PRDM16: variants seen among roughly 807,000 people sequenced by gnomAD.
PRDM16 encodes PR/SET domain 16.
In PRDM16, 23 loss-of-function variants were observed where a neutral mutation model predicts 110.6. That is an observed-to-expected ratio of 0.21 (90% CI 0.15 to 0.29). The LOEUF (loss-of-function observed/expected upper bound fraction) is 0.29. PRDM16 is among the 10% of genes least tolerant of loss of function. The pLI is 1.00. For missense variants in PRDM16, 1,615 were observed against 1,794.3 expected, an observed-to-expected ratio of 0.90 and a Z score of 1.81; for synonymous variants, 799 against 781.8, an observed-to-expected ratio of 1.02 and a Z score of -0.37.
intron 1 of PRDM16, among the ~76,000 whole-genome samples, chr1:3,087,758 A>G: frequency 6.6e-6 from 1 of 152,056 alleles, no homozygotes; most frequent in South Asian, 2.1e-4. Flanking sequence ...TGTGTCTGCC[A>G]GTACCATATT....
rs539901974 is a variant in PRDM16, at chr1:3,115,137, T to C, written c.37+45841T>C. On this transcript the variant is annotated intron_variant, in intron 1 of 16. Transcript: ENST00000270722. ...GCCCCGCTCCTCCCACATCATCACATTCCTCGGTGAGTGGTTGGGGGGGCA... is the reference window on the plus strand; with the variant it reads ...GCCCCGCTCCTCCCACATCATCACACTCCTCGGTGAGTGGTTGGGGGGGCA... Among the ~76,000 whole-genome samples the C allele has an allele frequency of 6.6e-5, 10 of 152,298 alleles. 2 individuals carry two copies. In the South Asian group the frequency reaches 2.1e-3, roughly 32 times the overall value.
intron 11 of PRDM16, 28 bp from the exon 12 acceptor site, chr1:3,418,639 T>G: frequency 4.7e-6 from 6 of 1,284,676 alleles, no homozygotes; most frequent in Non-Finnish European, 6.8e-6. Flanking sequence ...TAATCCTCCC[T>G]CACCCTCCCC....
intron 12 of PRDM16, among the ~76,000 whole-genome samples, chr1:3,424,138 T>C (rs1217200948): frequency 6.6e-6 from 1 of 152,160 alleles, no homozygotes; most frequent in African/African-American, 2.4e-5. Flanking sequence ...GAGGAGGCTG[T>C]CTTCACAGAG....
chr1:3,291,857 C>T (rs1388427072), intron 3 of PRDM16, among the ~76,000 whole-genome samples: 21 of 152,224 alleles, frequency 1.4e-4, no homozygotes, highest in Admixed American at 1.4e-3. Context: ...CAGCTTCTCT[C>T]CTCGAAGGGA....
chr1:3,116,348 C>T (rs944480581), intron 1 of PRDM16, among the ~76,000 whole-genome samples: 7 of 152,216 alleles, frequency 4.6e-5, no homozygotes, highest in African/African-American at 9.6e-5. Context: ...GTGTGAGAAC[C>T]GAGAGCCAGG....
At position 3,258,166 on chromosome 1, in the gene PRDM16, G is replaced by A. The variant is rs968965203; in HGVS notation, c.438+14029G>A. Among the ~76,000 whole-genome samples, 14 of 152,170 alleles carry A rather than the reference G, an allele frequency of 9.2e-5. No individual in the cohort carries two copies. The South Asian group carries it at 1.0e-3, about 11-fold the overall frequency. Reference sequence around the variant, plus strand: ...GGGGTGGGGAAGGCAAGTATCTACCGTCCTGCTGCACTGAGATGCCCGTGT... The same window carrying A: ...GGGGTGGGGAAGGCAAGTATCTACCATCCTGCTGCACTGAGATGCCCGTGT... On this transcript the variant is annotated intron_variant, in intron 3 of 16. Transcript: ENST00000270722.
chr1:3,333,976 C>G (rs1010845692), intron 3 of PRDM16, among the ~76,000 whole-genome samples: 12 of 152,144 alleles, frequency 7.9e-5, no homozygotes, highest in African/African-American at 2.9e-4. Flanking sequence ...TGCAGGACCA[C>G]GAGCCAATGA....
chr1:3,234,005 C>A (rs1157143782), intron 2 of PRDM16, among the ~76,000 whole-genome samples: 2 of 152,028 alleles, frequency 1.3e-5, no homozygotes, highest in Non-Finnish European at 2.9e-5. Flanking sequence ...TGCTCCCCTT[C>A]CATTTGTCTT....
intron 4 of PRDM16, among the ~76,000 whole-genome samples, chr1:3,394,315 G>A (rs1448421508): frequency 2.0e-5 from 3 of 151,336 alleles, no homozygotes; most frequent in Non-Finnish European, 4.4e-5. Flanking sequence ...GGGAGGCTCG[G>A]AGGCGCTCGG....
At chr1:3,114,433 G>A (rs1187290943) in intron 1 of PRDM16, among the ~76,000 whole-genome samples, 1 of 116,472 alleles carries the variant, frequency 8.6e-6, no homozygotes, top group Admixed American at 8.6e-5. Context: ...CACACCAGGT[G>A]TAAACAGACG....
At chr1:3,342,708 G>C (rs1008428405) in intron 3 of PRDM16, among the ~76,000 whole-genome samples, 4 of 152,312 alleles carry the variant, frequency 2.6e-5, no homozygotes, top group Middle Eastern at 3.4e-3. Context: ...CATTTTACCT[G>C]TCTTTGAACT....
intron 3 of PRDM16, among the ~76,000 whole-genome samples, chr1:3,257,614 T>C (rs2100239932): frequency 6.6e-6 from 1 of 152,350 alleles, no homozygotes; most frequent in South Asian, 2.1e-4. Context: ...TCACCCTGAC[T>C]GATCTGCTTA....
chr1:3,396,691 C>A, intron 5 of PRDM16, 98 bp downstream of exon 5: 1 of 612,796 alleles, frequency 1.6e-6, no homozygotes, highest in Non-Finnish European at 2.9e-6. Context: ...CCTCTCATCA[C>A]CTCAAGCCAC....
intron 2 of PRDM16, among the ~76,000 whole-genome samples, chr1:3,235,595 C>A (rs1639521187): frequency 6.6e-6 from 1 of 152,162 alleles, no homozygotes; most frequent in Non-Finnish European, 1.5e-5. Flanking sequence ...TAGCCTCCTG[C>A]CAGTCCCCAC....
chr1:3,292,224 C>T (rs961335209), intron 3 of PRDM16, among the ~76,000 whole-genome samples: 11 of 152,182 alleles, frequency 7.2e-5, no homozygotes, highest in Non-Finnish European at 2.9e-5. Flanking sequence ...AGGAACCTGC[C>T]GTGGCCCGGC....
chr1:3,412,325 G>T lies in PRDM16; in HGVS notation c.2128G>T (p.Gly710Trp). The T allele has an allele frequency of 6.2e-7, 1 of 1,613,842 alleles. No individual in the cohort carries two copies. Among genetic ancestry groups the T allele is most frequent in the Non-Finnish European group, 8.5e-7 (1 of 1,180,036 alleles). The change falls in exon 9 of 17, where the codon GGG becomes TGG. Residue 710 changes from glycine (G) to tryptophan (W), a missense_variant. Coordinates refer to ENST00000270722, the MANE Select transcript of PRDM16 (RefSeq NM_022114.4). ...AEKYFGPGFM[G>W]MQEKKLGSLP... ...GAAGTACTTTGGCCCCGGCTTCATG[G>T]GGATGCAGGAGAAGAAGCTGGGCTC...
intron 2 of PRDM16, among the ~76,000 whole-genome samples, chr1:3,218,341 C>CG (rs1282641588): frequency 6.6e-6 from 1 of 152,240 alleles, no homozygotes; most frequent in Non-Finnish European, 1.5e-5. Flanking sequence ...AATGCTTTAT[C>CG]GGAGAAGGGG....
intron 3 of PRDM16, among the ~76,000 whole-genome samples, chr1:3,349,724 G>A (rs1032184779): frequency 1.3e-5 from 2 of 152,168 alleles, no homozygotes; most frequent in Non-Finnish European, 1.5e-5. Flanking sequence ...TGCGCTCTGG[G>A]GGTCTTCAAA....
chr1:3,416,314 G>T (rs1569745027), intron 10 of PRDM16, among the ~76,000 whole-genome samples: 1 of 152,204 alleles, frequency 6.6e-6, no homozygotes, highest in South Asian at 2.1e-4. Flanking sequence ...AGTGCCAGAT[G>T]CCCGGCACTC....
Sources: gnomAD v4.1 joint callset for allele counts (sites outside exome capture counted in the v4.1 genomes callset) on GRCh38, gnomAD v4.1.1 for gene constraint, MANE v1.5 for transcripts, NCBI Gene and HGNC (gene_info 2026-07-23, HGNC 2026-07-21) for gene names.